CELF2: variants seen among roughly 807,000 people sequenced by gnomAD.
CELF2 encodes the protein CUG triplet repeat RNA-binding protein 2.
Under a neutral mutation model 62.6 loss-of-function variants are expected in CELF2, and 8 were observed. The observed-to-expected ratio is 0.13, with a 90% CI of 0.07 to 0.23. The LOEUF (loss-of-function observed/expected upper bound fraction) is 0.23. Among genes scored for constraint, CELF2 ranks in the 10% least tolerant of loss-of-function variants. CELF2 has a pLI of 1.00. For missense variants in CELF2, 333 were observed against 671.0 expected (o/e 0.50, Z 5.56); for synonymous variants, 258 against 250.0 (o/e 1.03, Z -0.30).
At chr10:10,738,446 A>G in the CELF2 span, among the ~76,000 whole-genome samples, 4 of 152,212 alleles carry the variant, frequency 2.6e-5, no homozygotes, top group South Asian at 2.1e-4. Context: ...CCAGGTGATC[A>G]ACATCAGTAT....
At chr10:11,118,094 G>A (rs2056958295) in intron 1 of CELF2, among the ~76,000 whole-genome samples, 2 of 152,070 alleles carry the variant, frequency 1.3e-5, no homozygotes, top group Admixed American at 1.3e-4. Context: ...TTTTGCAGAA[G>A]TATAAGCATG....
the CELF2 span, among the ~76,000 whole-genome samples, chr10:10,747,184 T>C: frequency 1.3e-5 from 2 of 152,196 alleles, no homozygotes; most frequent in African/African-American, 2.4e-5. Context: ...CTGGTGGAGC[T>C]GGAAATGGAG....
At chr10:10,577,701 A>T in the CELF2 span, among the ~76,000 whole-genome samples, 18 of 152,130 alleles carry the variant, frequency 1.2e-4, no homozygotes, top group African/African-American at 4.1e-4. Context: ...ATCATTTTTT[A>T]TGGCTGCATA....
intron 1 of CELF2, among the ~76,000 whole-genome samples, chr10:10,878,938 A>G (rs1340334782): frequency 6.6e-6 from 1 of 152,160 alleles, no homozygotes. Context: ...TGCATTGTCT[A>G]TAAAATTAAA....
intron 1 of CELF2, among the ~76,000 whole-genome samples, chr10:10,821,815 A>G (rs752061258): frequency 6.6e-6 from 1 of 151,964 alleles, no homozygotes; most frequent in Non-Finnish European, 1.5e-5. Context: ...AATTTTTTAA[A>G]TTTTTTGTAG....
the CELF2 span, among the ~76,000 whole-genome samples, chr10:10,473,299 A>G: frequency 2.6e-5 from 4 of 152,082 alleles, 1 homozygote; most frequent in Admixed American, 2.0e-4. Flanking sequence ...CAAGCCAAGG[A>G]AAGACAAAGA....
the CELF2 span, among the ~76,000 whole-genome samples, chr10:10,483,393 G>A: frequency 6.6e-6 from 1 of 152,132 alleles, no homozygotes; most frequent in Non-Finnish European, 1.5e-5. Context: ...AGTGAGTTGG[G>A]CTAAGCATAA....
intron 1 of CELF2, among the ~76,000 whole-genome samples, chr10:11,122,833 A>G (rs760338808): frequency 9.9e-5 from 15 of 152,184 alleles, no homozygotes; most frequent in African/African-American, 3.6e-4. Flanking sequence ...CAAGTTTGCA[A>G]TTGCTGTTGT....
At chr10:10,492,469 A>ATT in the CELF2 span, among the ~76,000 whole-genome samples, 1 of 152,090 alleles carries the variant, frequency 6.6e-6, no homozygotes, top group Non-Finnish European at 1.5e-5. Flanking sequence ...ATAAATATAT[A>ATT]TATATGCAAG....
At chr10:11,281,308 A>G (rs533348472) in intron 8 of CELF2, among the ~76,000 whole-genome samples, 28 of 152,290 alleles carry the variant, frequency 1.8e-4, no homozygotes, top group African/African-American at 6.5e-4. Flanking sequence ...CCTCTGCCTC[A>G]GAAGCACCAA....
chr10:10,585,128 G>A, the CELF2 span, among the ~76,000 whole-genome samples: 6 of 152,126 alleles, frequency 3.9e-5, no homozygotes, highest in Non-Finnish European at 8.8e-5. Context: ...GGAAGCAAAT[G>A]AATATTCTCA....
chr10:11,278,709 G>A (rs557910299), intron 8 of CELF2, among the ~76,000 whole-genome samples: 1 of 152,114 alleles, frequency 6.6e-6, no homozygotes, highest in Non-Finnish European at 1.5e-5. Flanking sequence ...CTACATTACG[G>A]TTGGAAAAAG....
At chr10:10,638,874 C>T in the CELF2 span, among the ~76,000 whole-genome samples, 10 of 152,292 alleles carry the variant, frequency 6.6e-5, no homozygotes, top group African/African-American at 1.9e-4. Flanking sequence ...CAAACTTTTC[C>T]ACCTCACCCT....
chr10:11,247,555 C>T lies in CELF2; in HGVS notation c.355-1598C>T, dbSNP rs1274569357. 2.0e-5 allele frequency among the ~76,000 whole-genome samples: 3 copies of T among 152,142 alleles called. 1 individual carries two copies. The highest frequency in any genetic ancestry group is 4.8e-5 in the African/African-American group (2 of 41,444). Reference sequence around the variant, plus strand: ...CTTACCGGCTGAGGGCTCAGTGTCTCTCCTGCCCCTGCCATCCCACCCCCT... The same window carrying T: ...CTTACCGGCTGAGGGCTCAGTGTCTTTCCTGCCCCTGCCATCCCACCCCCT... On this transcript the variant is annotated intron_variant, in intron 3 of 12. Transcript: ENST00000633077. The surrounding 1 kb of genome is among the most constrained non-coding windows in gnomAD (Gnocchi z 5.4).
At chr10:10,764,316 C>T in the CELF2 span, among the ~76,000 whole-genome samples, 3 of 152,188 alleles carry the variant, frequency 2.0e-5, no homozygotes, top group Non-Finnish European at 4.4e-5. Flanking sequence ...ATACTTTCTG[C>T]AAAAATTCCA....
In CELF2 at chr10:11,057,701, C is replaced by T. The variant is rs550387618; in HGVS notation, c.74+39538C>T. ...TGGCTTTTTAAGCATAAGGATGTAA[C>T]GTGGGGATGGTGATTGTCAGATTAT... On this transcript the variant is annotated intron_variant, in intron 1 of 12. Coordinates refer to ENST00000633077, the MANE Select transcript of CELF2 (RefSeq NM_001326342.2). Among the ~76,000 whole-genome samples, 7 of 152,226 alleles carry T rather than the reference C, an allele frequency of 4.6e-5. No individual in the cohort carries two copies. The East Asian group carries it at 7.7e-4, about 17-fold the overall frequency.
At chr10:10,921,243 C>G (rs976757746) in intron 2 of CELF2, among the ~76,000 whole-genome samples, 20 of 151,806 alleles carry the variant, frequency 1.3e-4, no homozygotes, top group African/African-American at 4.4e-4. Flanking sequence ...GCATGAACCA[C>G]TGTGCCCGGC....
the CELF2 span, among the ~76,000 whole-genome samples, chr10:10,747,508 A>G: frequency 6.6e-6 from 1 of 152,098 alleles, no homozygotes; most frequent in African/African-American, 2.4e-5. Flanking sequence ...CTGAACCTGG[A>G]GTGTAAGAAA....
chr10:10,920,079 G>C (rs964873687), intron 2 of CELF2: 3 of 1,029,444 alleles, frequency 2.9e-6, no homozygotes, highest in Non-Finnish European at 3.7e-6. Context: ...TCTTCTGTAA[G>C]AGGTCTTCTC....
Sources: gnomAD v4.1 joint callset for allele counts (sites outside exome capture counted in the v4.1 genomes callset) on GRCh38, gnomAD v4.1.1 for gene constraint, Gnocchi (gnomAD v3.1) non-coding constraint, MANE v1.5 for transcripts, NCBI Gene and HGNC (gene_info 2026-07-23, HGNC 2026-07-21) for gene names.